The following TRIM49 variants were observed in gnomAD, a reference collection of about 807,000 sequenced individuals.
TRIM49 encodes the protein tripartite motif containing 49.
Under a neutral mutation model 27.4 loss-of-function variants are expected in TRIM49, and 5 were observed. The ratio of observed to expected loss-of-function variants is 0.18; its 90% CI spans 0.10 to 0.38. The LOEUF is 0.38. Among genes scored for constraint, TRIM49 ranks in the 10% least tolerant of loss-of-function variants. The pLI is 1.00. For missense variants in TRIM49, 188 were observed against 487.5 expected (o/e 0.39, Z 5.79); for synonymous variants, 69 against 166.0 (o/e 0.42, Z 4.49).
At chr11:89,768,761 GT>G in the TRIM49 span, 1 of 496,654 alleles carries the variant, frequency 2.0e-6, no homozygotes, top group African/African-American at 2.8e-5. Context: ...ACAACTTGAT[GT>G]TTTTCACAGC....
intron 2 of TRIM49, 57 bp downstream of exon 2, chr11:89,807,042 T>C (rs558414666): frequency 6.6e-6 from 1 of 151,444 alleles, no homozygotes; most frequent in African/African-American, 2.4e-5. Context: ...TTTAACACTC[T>C]AATTTATTAT....
downstream of TRIM49, among the ~76,000 whole-genome samples, chr11:89,793,966 C>T (rs2134626406): frequency 6.7e-6 from 1 of 149,912 alleles, no homozygotes; most frequent in African/African-American, 2.4e-5. Context: ...TTGCAGATGA[C>T]ACGATTGTAT....
At chr11:89,803,098 T>C (rs1949751837) in intron 4 of TRIM49, among the ~76,000 whole-genome samples, 1 of 149,882 alleles carries the variant, frequency 6.7e-6, no homozygotes, top group Non-Finnish European at 1.5e-5. Context: ...GTTCTCCTTA[T>C]GTTTAGATAC....
intron 4 of TRIM49, among the ~76,000 whole-genome samples, chr11:89,802,662 A>G (rs1490289812): frequency 4.0e-5 from 6 of 151,110 alleles, no homozygotes; most frequent in Non-Finnish European, 7.4e-5. Flanking sequence ...TGGTCCACAT[A>G]TATATCCACA....
chr11:89,782,967 G>T, the TRIM49 span, among the ~76,000 whole-genome samples: 4 of 120,456 alleles, frequency 3.3e-5, no homozygotes, highest in Non-Finnish European at 7.3e-5. Flanking sequence ...AAAATGAAGT[G>T]GTGGATATCT....
intron 1 of TRIM49, among the ~76,000 whole-genome samples, 162 bp from the exon 2 acceptor site, chr11:89,807,446 G>A (rs2134649419): frequency 6.6e-6 from 1 of 151,538 alleles, no homozygotes; most frequent in African/African-American, 2.4e-5. Context: ...TGAATCATAT[G>A]TAACATAAAT....
At chr11:89,784,027 T>G in the TRIM49 span, among the ~76,000 whole-genome samples, 1 of 138,208 alleles carries the variant, frequency 7.2e-6, no homozygotes, top group African/African-American at 3.1e-5. Flanking sequence ...ATGCATTTAT[T>G]CCCATCCTAT....
chr11:89,796,626 T>C (rs1453732538), downstream of TRIM49, among the ~76,000 whole-genome samples: 5 of 148,126 alleles, frequency 3.4e-5, no homozygotes, highest in African/African-American at 1.0e-4. Context: ...ATGGAACCCA[T>C]AAAGAGCTTA....
chr11:89,777,633 G>A, the TRIM49 span, among the ~76,000 whole-genome samples: 1 of 150,142 alleles, frequency 6.7e-6, no homozygotes, highest in African/African-American at 2.5e-5. Flanking sequence ...ATGGAGCTGT[G>A]GAGCTGGTGG....
At chr11:89,800,829 A>G (rs865972336) in intron 6 of TRIM49, 137 bp downstream of exon 6, 1 of 586,282 alleles carries the variant, frequency 1.7e-6, no homozygotes, top group African/African-American at 2.0e-5. Flanking sequence ...CTTGTCTTTT[A>G]AGGTGTGGGA....
chr11:89,777,217 A>T, the TRIM49 span: 4 of 1,548,730 alleles, frequency 2.6e-6, no homozygotes, highest in Non-Finnish European at 3.5e-6. Context: ...AGCCAGACAG[A>T]CCAGACCTCA....
chr11:89,782,534 CATTA>C, the TRIM49 span, among the ~76,000 whole-genome samples: 16 of 151,742 alleles, frequency 1.1e-4, 1 homozygote, highest in East Asian at 1.4e-3. Flanking sequence ...TGTATACATT[CATTA>C]ATTAAGTTAT....
chr11:89,793,336 C>G (rs947862499), downstream of TRIM49, among the ~76,000 whole-genome samples: 2 of 152,140 alleles, frequency 1.3e-5, no homozygotes, highest in African/African-American at 4.8e-5. Context: ...CCTTCTGAAA[C>G]TATTCCAATC....
chr11:89,777,414 A>G, the TRIM49 span: 37 of 1,535,130 alleles, frequency 2.4e-5, no homozygotes, highest in South Asian at 1.2e-5. Flanking sequence ...GGCAGTTTGA[A>G]TTATACAGAA....
At chr11:89,776,981 A>G in the TRIM49 span, 3 of 1,515,926 alleles carry the variant, frequency 2.0e-6, no homozygotes, top group Middle Eastern at 1.9e-4. Context: ...TTTCAGAAAC[A>G]TGGATTCTGA....
the TRIM49 span, among the ~76,000 whole-genome samples, chr11:89,791,828 G>A: frequency 2.0e-5 from 3 of 151,894 alleles, no homozygotes; most frequent in Non-Finnish European, 2.9e-5. Flanking sequence ...GGAAGAAACT[G>A]CATCAACTAA....
chr11:89,784,967 A>C, the TRIM49 span, among the ~76,000 whole-genome samples: 2 of 149,866 alleles, frequency 1.3e-5, no homozygotes, highest in African/African-American at 5.1e-5. Context: ...TTATGTTAGA[A>C]TATCACCAAG....
intron 4 of TRIM49, 111 bp downstream of exon 4, chr11:89,803,587 T>A: frequency 1.3e-6 from 2 of 1,500,398 alleles, no homozygotes; most frequent in Non-Finnish European, 1.8e-6. Context: ...TCGCCTTTTT[T>A]TTTTTACTGT....
At chr11:89,793,467 C>T (rs554588675), downstream of TRIM49, among the ~76,000 whole-genome samples, 67 of 152,228 alleles carry the variant, frequency 4.4e-4, 1 homozygote, top group Non-Finnish European at 7.4e-4. Context: ...TGATGAACAT[C>T]GATGCAAAAA....
Sources: gnomAD v4.1 joint callset for allele counts (sites outside exome capture counted in the v4.1 genomes callset) on GRCh38, gnomAD v4.1.1 for gene constraint, MANE v1.5 for transcripts, NCBI Gene and HGNC (gene_info 2026-07-23, HGNC 2026-07-21) for gene names.